The following DACT1 variants were observed in gnomAD, a reference collection of about 807,000 sequenced individuals.
DACT1 encodes the protein dapper homolog 1.
DACT1 carries 19 observed loss-of-function variants against 35.3 expected under a neutral mutation model. The observed-to-expected ratio is 0.54, with a 90% CI of 0.38 to 0.79. The LOEUF is 0.79. DACT1 is among the 30% of genes least tolerant of loss of function. DACT1 has a pLI of 0.00. For synonymous variants in DACT1, 545 were observed against 466.7 expected (o/e 1.17, Z -2.16); for missense variants, 1,143 against 1,057.5 (o/e 1.08, Z -1.12).
At chr14:58,639,721 C>A (rs150722) in intron 1 of DACT1, among the ~76,000 whole-genome samples, 14,617 of 152,266 alleles carry the variant, frequency 0.096, 975 homozygotes, top group African/African-American at 0.19. Context: ...CGTAGATATT[C>A]ATATGCATGT....
chr14:58,641,879 C>A, intron 3 of DACT1, 132 bp downstream of exon 3: 1 of 814,602 alleles, frequency 1.2e-6, no homozygotes, highest in Non-Finnish European at 1.9e-6. Flanking sequence ...TAGTGCCATA[C>A]TTACATCTAG....
In DACT1 at chr14:58,646,427, A is replaced by G. The variant is rs774962230; in HGVS notation, c.1693A>G (p.Arg565Gly). 1 of 1,596,960 alleles carries G rather than the reference A, an allele frequency of 6.3e-7. No individual in the cohort carries two copies. The highest frequency in any genetic ancestry group is 1.1e-5 in the South Asian group (1 of 88,668). Residue 565 changes from arginine to glycine, a missense_variant, in exon 4 of 4, where the codon AGG (arginine) becomes GGG (glycine). Around this residue, in one of 3 missense-constraint regions of DACT1, gnomAD observed 1,054 missense variants for 958.8 expected, o/e 1.10. Transcript: ENST00000395153. The stretch of plus-strand genomic sequence containing the variant: ...GCTGGAGAACGGCTTGCCCACCGTC[A>G]GGGAGAAAACGCGGGCCGGGAGCAA... ...QGLENGLPTV[R>G]EKTRAGSKKC... is the part of the protein sequence containing the mutation.
At chr14:58,634,757 T>C (rs1340471267), upstream of DACT1, among the ~76,000 whole-genome samples, 1 of 152,226 alleles carries the variant, frequency 6.6e-6, no homozygotes, top group Non-Finnish European at 1.5e-5. Flanking sequence ...TGCAATAGAA[T>C]GTTCACCGCT....
rs2047590857 is a variant in DACT1 at position 58,638,158 on chromosome 14, G to T, written c.-45G>T. The T allele has an allele frequency of 7.9e-7, 1 of 1,263,784 alleles. No homozygotes were observed. Among genetic ancestry groups the T allele is most frequent in the Non-Finnish European group, 1.0e-6 (1 of 1,004,962 alleles). The allele number at this position is 1,263,784 out of a possible 1,614,324, so 78.3% of individuals were successfully genotyped here. A position where few individuals can be genotyped will look rare whatever the true frequency, so the allele number is the denominator to read the frequency against. On this transcript the variant is annotated 5_prime_UTR_variant, in exon 1 of 4. Coordinates refer to ENST00000395153, the MANE Select transcript of DACT1 (RefSeq NM_001079520.2). ...CCCTAGCGCCCTGCTCCTCCGCCTGGGCGGCCCGGCTGCGGTGACGGCTCT... is the reference window on the plus strand; with the variant it reads ...CCCTAGCGCCCTGCTCCTCCGCCTGTGCGGCCCGGCTGCGGTGACGGCTCT...
chr14:58,639,329 G>A, intron 1 of DACT1: 3 of 915,066 alleles, frequency 3.3e-6, no homozygotes, highest in Non-Finnish European at 3.9e-6. Context: ...CATTAATGGG[G>A]AAGAAAAAGA....
chr14:58,635,633 G>A (rs976902820), upstream of DACT1, among the ~76,000 whole-genome samples: 1 of 148,938 alleles, frequency 6.7e-6, no homozygotes, highest in Non-Finnish European at 1.5e-5. Context: ...AAGCTGTTAC[G>A]GCAAATGGCT....
chr14:58,641,863 G>A (rs879295610), intron 3 of DACT1, 116 bp downstream of exon 3: 45 of 950,764 alleles, frequency 4.7e-5, no homozygotes, highest in Non-Finnish European at 5.9e-5. Flanking sequence ...ATCACTTTGC[G>A]GCATTTAGTG....
intron 3 of DACT1, 141 bp downstream of exon 3, chr14:58,641,888 A>G: frequency 1.3e-6 from 1 of 766,836 alleles, no homozygotes; most frequent in Non-Finnish European, 2.1e-6. Flanking sequence ...ACTTACATCT[A>G]GAACTCAGTT....
In DACT1 at chr14:58,645,475, C is replaced by T. The variant is rs1442696385; in HGVS notation, c.741C>T (p.Leu247=). 3 of 1,614,084 alleles carry T rather than the reference C, an allele frequency of 1.9e-6. No individual in the cohort carries two copies. The African/African-American group carries it at 4.0e-5, about 22-fold the overall frequency. Reference sequence around the variant, plus strand: ...TGGCTGTGCAGAGCCCAATGTTTCTCCTTTGTCTGACGGGCAACCCTCTGA... The same window carrying T: ...TGGCTGTGCAGAGCCCAATGTTTCTTCTTTGTCTGACGGGCAACCCTCTGA... ...HAVAVQSPMF[L]LCLTGNPLRE... Residue 247 remains leucine, a synonymous_variant, in exon 4 of 4, where the codon CTC becomes CTT. Transcript: ENST00000395153.
chr14:58,638,091 G>GCGCCC lies in DACT1; in HGVS notation c.-107_-103dup. Reference sequence around the variant, plus strand: ...TCTAGCCACCGTCCCCGCCAGCGCCGCGCCCCGCCACAGGGCGGCATGAGC... The same window carrying GCGCCC: ...TCTAGCCACCGTCCCCGCCAGCGCCGCGCCCCGCCCCGCCACAGGGCGGCATGAGC... On this transcript the variant is annotated 5_prime_UTR_variant, in exon 1 of 4. Coordinates refer to ENST00000395153, the MANE Select transcript of DACT1 (RefSeq NM_001079520.2). The GCGCCC allele has an allele frequency of 8.9e-7, 1 of 1,123,872 alleles. No individual in the cohort carries two copies. The allele number at this position is 1,123,872 out of a possible 1,614,324, so 69.6% of individuals were successfully genotyped here.
rs954953359 is a variant in DACT1, at chr14:58,648,067, G to GT, written c.*939dup. The GT allele has an allele frequency of 6.0e-6, 1 of 167,006 alleles. No homozygotes were observed. The highest frequency in any genetic ancestry group is 2.4e-5 in the African/African-American group (1 of 41,440). 10.3% of individuals were successfully genotyped at this position (167,006 alleles called of 1,614,324 possible). On this transcript the variant is annotated 3_prime_UTR_variant, in exon 4 of 4. Transcript: ENST00000395153. ...ACCTTTGATCCTATGTGGAAGGGCT[G>GT]TTTTTTAAGAAAAAATTTTTGGTAA...
In DACT1 at chr14:58,638,319, C is replaced by G; in HGVS notation, c.117C>G (p.Thr39=). The G allele has an allele frequency of 1.5e-6, 2 of 1,324,998 alleles. No homozygotes were observed. Among genetic ancestry groups the G allele is most frequent in the East Asian group, 3.1e-5 (1 of 32,038 alleles). 82.1% of individuals were successfully genotyped at this position (1,324,998 alleles called of 1,614,324 possible). The change falls in exon 1 of 4, where the codon ACC becomes ACG. Residue 39 remains threonine (T), a synonymous_variant. Transcript: ENST00000395153. ...GGCGGGAGAAGGGCGAGGCAGACAC[C>G]GAGCGGCAGCGCACCCGGGAGCGGC... is the stretch of plus-strand genomic sequence containing the variant. The part of the protein sequence containing the change: ...GRWREKGEAD[T]ERQRTRERQE...
intron 1 of DACT1, 132 bp from the exon 2 acceptor site, chr14:58,640,604 G>A (rs1383868316): frequency 8.8e-6 from 9 of 1,017,330 alleles, no homozygotes; most frequent in Non-Finnish European, 1.3e-5. Context: ...GTTACTTCAG[G>A]TCATCCAGTA....
Position 58,647,212 on chromosome 14 carries a change from C to T in DACT1, c.*78C>T, listed in dbSNP as rs2047701280. 1.3e-6 allele frequency: 2 copies of T among 1,495,048 alleles called. No individual in the cohort carries two copies. The highest frequency in any genetic ancestry group is 1.4e-5 in the African/African-American group (1 of 70,350). The allele number at this position is 1,495,048 out of a possible 1,614,324, so 92.6% of individuals were successfully genotyped here. On this transcript the variant is annotated 3_prime_UTR_variant, in exon 4 of 4. Transcript: ENST00000395153. ...GCCAAAATTAAAAAGGTGGTGTTTT[C>T]ATTTTTGTATAATACTTTAATGGAA...
At position 58,645,480 on chromosome 14, in the gene DACT1, G is replaced by A. The variant is rs1411791607; in HGVS notation, c.746G>A (p.Cys249Tyr). The change falls in exon 4 of 4, where the codon TGT becomes TAT. Residue 249 changes from cysteine (C) to tyrosine (Y), a missense_variant. Around this residue, in one of 3 missense-constraint regions of DACT1, gnomAD observed 1,054 missense variants for 958.8 expected, o/e 1.10. Coordinates refer to ENST00000395153, the MANE Select transcript of DACT1 (RefSeq NM_001079520.2). The stretch of plus-strand genomic sequence containing the variant: ...GTGCAGAGCCCAATGTTTCTCCTTT[G>A]TCTGACGGGCAACCCTCTGAGGGAA... Reference protein sequence around the residue: ...VAVQSPMFLLCLTGNPLREED... With the variant: ...VAVQSPMFLLYLTGNPLREED... 4 of 1,614,070 alleles carry A rather than the reference G, an allele frequency of 2.5e-6. No individual in the cohort carries two copies. The Admixed American group carries it at 6.7e-5, about 27-fold the overall frequency.
At chr14:58,637,106 T>A (rs1595594074), upstream of DACT1, among the ~76,000 whole-genome samples, 1 of 152,050 alleles carries the variant, frequency 6.6e-6, no homozygotes, top group Admixed American at 6.5e-5. Context: ...GAGAAGGGAG[T>A]AAGTTGCCCG....
intron 1 of DACT1, chr14:58,638,924 CATTTT>C: frequency 2.0e-6 from 2 of 1,003,568 alleles, no homozygotes; most frequent in Non-Finnish European, 2.4e-6. Flanking sequence ...CTTAAAATAC[CATTTT>C]ATTTGGAGGT....
chr14:58,643,149 A>G (rs1287737578), intron 3 of DACT1, among the ~76,000 whole-genome samples: 1 of 152,240 alleles, frequency 6.6e-6, no homozygotes, highest in Non-Finnish European at 1.5e-5. Flanking sequence ...GTTTTTCATC[A>G]TCCCAAGGGA....
upstream of DACT1, among the ~76,000 whole-genome samples, chr14:58,635,023 T>C (rs545389759): frequency 2.6e-4 from 39 of 152,274 alleles, no homozygotes; most frequent in African/African-American, 6.3e-4. Flanking sequence ...ACTTTCTGAG[T>C]GTCAATTAAC....
Sources: allele counts gnomAD v4.1 joint callset (sites outside exome capture counted in the v4.1 genomes callset), GRCh38; gene constraint gnomAD v4.1.1; regional missense constraint gnomAD v4.1.1; transcripts MANE v1.5; gene names NCBI Gene and HGNC (gene_info 2026-07-23, HGNC 2026-07-21).